DENND2B: variants seen among roughly 807,000 people sequenced by gnomAD.
DENND2B encodes DENN domain-containing protein 2B.
Under a neutral mutation model 116.0 loss-of-function variants are expected in DENND2B, and 32 were observed. The observed-to-expected ratio is 0.28, with a 90% CI of 0.21 to 0.37. The LOEUF (loss-of-function observed/expected upper bound fraction) is 0.37. DENND2B is among the 10% of genes least tolerant of loss of function. The probability of loss-of-function intolerance (pLI) is 1.00; values close to 1 mark genes in which losing one functional copy is unlikely to be tolerated. For missense variants in DENND2B, 1,276 were observed against 1,477.7 expected (o/e 0.86, Z 2.24); for synonymous variants, 588 against 583.9 (o/e 1.01, Z -0.10).
intron 2 of DENND2B, among the ~76,000 whole-genome samples, chr11:8,745,768 C>T (rs1278381357): frequency 1.3e-5 from 2 of 152,212 alleles, no homozygotes; most frequent in Admixed American, 6.5e-5. Flanking sequence ...GCTATGAAGG[C>T]ATGCTGCCAA....
At position 8,863,635 on chromosome 11, in the gene DENND2B, G is replaced by A. The variant is rs151102771; in HGVS notation, c.-249-6199C>T. Among the ~76,000 whole-genome samples the A allele has an allele frequency of 2.6e-3, 389 of 152,146 alleles. 1 individual carries two copies. The highest frequency in any genetic ancestry group is 3.8e-3 in the African/African-American group (159 of 41,492). On this transcript the variant is annotated intron_variant, in intron 2 of 6. Transcript: ENST00000524757. ...ACAAATGGGGGAAAAATAGCAAAAC[G>A]GAATCCTCACAACTGATATTGCTGA...
intron 1 of DENND2B, among the ~76,000 whole-genome samples, chr11:8,758,152 TAAGTGCAAA>T (rs2053928328): frequency 6.6e-6 from 1 of 152,218 alleles, no homozygotes; most frequent in African/African-American, 2.4e-5. Flanking sequence ...TATATGCCCT[TAAGTGCAAA>T]AACTTGTGTC....
intron 2 of DENND2B, among the ~76,000 whole-genome samples, chr11:8,735,815 G>T (rs1295448918): frequency 6.6e-6 from 1 of 152,264 alleles, no homozygotes; most frequent in Non-Finnish European, 1.5e-5. Flanking sequence ...ATGGGAGCCA[G>T]GTGTCAGGAT....
At chr11:8,695,686 A>T (rs1177050580) in intron 18 of DENND2B, 137 bp from the exon 19 acceptor site, 3 of 740,268 alleles carry the variant, frequency 4.1e-6, no homozygotes, top group Admixed American at 5.4e-5. Flanking sequence ...TTGCAGGAGC[A>T]TCTTACTAGA....
rs753494311 is a variant in DENND2B at position 8,757,575 on chromosome 11, A to T, written c.-25-6850T>A. 2.6e-5 allele frequency among the ~76,000 whole-genome samples: 4 copies of T among 152,252 alleles called. 1 individual carries two copies. The highest frequency in any genetic ancestry group is 7.2e-5 in the African/African-American group (3 of 41,474). The stretch of plus-strand genomic sequence containing the variant: ...GGGACCTAAGGAAAAGCAAAGGAGC[A>T]TTTATTATGAGACACGCTGCTAGAC... On this transcript the variant is annotated intron_variant, in intron 1 of 19. Transcript: ENST00000313726.
intron 1 of DENND2B, among the ~76,000 whole-genome samples, chr11:8,885,003 A>G (rs988392290): frequency 6.6e-6 from 1 of 152,100 alleles, no homozygotes; most frequent in South Asian, 2.1e-4. Context: ...GAGACTCCCA[A>G]CTCTGGATAT....
chr11:8,729,884 T>C, intron 3 of DENND2B, 66 bp downstream of exon 3: 2 of 1,574,494 alleles, frequency 1.3e-6, no homozygotes, highest in Non-Finnish European at 1.7e-6. Context: ...CAATCTGTGT[T>C]TGCACTGTCC....
At chr11:8,808,457 G>A (rs1405702296) in intron 1 of DENND2B, 1 of 152,198 alleles carries the variant, frequency 6.6e-6, no homozygotes, top group Non-Finnish European at 1.5e-5. Context: ...GATCGTCTAT[G>A]AGGCTCCAGT....
intron 1 of DENND2B, among the ~76,000 whole-genome samples, chr11:8,779,484 T>TTTTTCTTTC (rs1412169492): frequency 6.8e-6 from 1 of 147,072 alleles, no homozygotes; most frequent in Non-Finnish European, 1.5e-5. Context: ...CGGGGTTTCC[T>TTTTTCTTTC]TTTTCTTTCT....
chr11:8,695,772 C>T (rs2040247644), intron 18 of DENND2B: 1 of 566,130 alleles, frequency 1.8e-6, no homozygotes, highest in Admixed American at 3.1e-5. Flanking sequence ...CCTCCCCATG[C>T]ACATTCCCAA....
At chr11:8,725,470 G>T (rs1225239553) in intron 4 of DENND2B, among the ~76,000 whole-genome samples, 3 of 151,838 alleles carry the variant, frequency 2.0e-5, no homozygotes, top group Non-Finnish European at 2.9e-5. Flanking sequence ...TGCCTCCCGG[G>T]TTCAAGCAAT....
intron 2 of DENND2B, among the ~76,000 whole-genome samples, chr11:8,860,432 A>G (rs2134675464): frequency 6.6e-6 from 1 of 152,246 alleles, no homozygotes; most frequent in South Asian, 2.1e-4. Context: ...CAATAACTCA[A>G]TCCTTTTTAA....
chr11:8,706,594 C>A (rs1565654111), intron 13 of DENND2B, among the ~76,000 whole-genome samples: 1 of 152,184 alleles, frequency 6.6e-6, no homozygotes, highest in Non-Finnish European at 1.5e-5. Flanking sequence ...TCCCTGGCCC[C>A]TTATTTAAAG....
intron 1 of DENND2B, among the ~76,000 whole-genome samples, chr11:8,788,833 C>G (rs1296019931): frequency 1.3e-5 from 2 of 152,226 alleles, no homozygotes; most frequent in African/African-American, 4.8e-5. Flanking sequence ...CACTACCTGA[C>G]AGCTGCTCTC....
intron 4 of DENND2B, among the ~76,000 whole-genome samples, chr11:8,833,448 T>C (rs1158796854): frequency 2.0e-5 from 3 of 152,100 alleles, no homozygotes; most frequent in Non-Finnish European, 4.4e-5. Context: ...TTCCATAAAA[T>C]CCAGATGACA....
At chr11:8,801,767 G>A (rs1196379293) in intron 1 of DENND2B, among the ~76,000 whole-genome samples, 2 of 151,642 alleles carry the variant, frequency 1.3e-5, no homozygotes, top group African/African-American at 2.4e-5. Context: ...ACCTTGGAAA[G>A]CCGAGGTGGG....
At chr11:8,886,403 A>C (rs2063961440) in intron 1 of DENND2B, among the ~76,000 whole-genome samples, 2 of 152,118 alleles carry the variant, frequency 1.3e-5, no homozygotes, top group African/African-American at 4.8e-5. Flanking sequence ...TACTTCTAAA[A>C]TGTAAAAAAG....
chr11:8,802,578 C>G (rs1290378447), intron 1 of DENND2B, among the ~76,000 whole-genome samples: 1 of 152,182 alleles, frequency 6.6e-6, no homozygotes, highest in Non-Finnish European at 1.5e-5. Context: ...AGCCCAGGCT[C>G]TAAACATTAC....
At chr11:8,849,012 T>C (rs1359109988) in intron 3 of DENND2B, among the ~76,000 whole-genome samples, 1 of 152,098 alleles carries the variant, frequency 6.6e-6, no homozygotes, top group East Asian at 1.9e-4. Flanking sequence ...CCTATATTCA[T>C]AATAAAAAAG....
Sources: allele counts gnomAD v4.1 joint callset (sites outside exome capture counted in the v4.1 genomes callset), GRCh38; gene constraint gnomAD v4.1.1; transcripts MANE v1.5; gene names NCBI Gene and HGNC (gene_info 2026-07-23, HGNC 2026-07-21).